The following MYO9A variants were observed in gnomAD, a reference collection of about 807,000 sequenced individuals.
MYO9A encodes the protein myosin IXA.
A neutral mutation model predicts 293.3 loss-of-function variants in MYO9A; 103 were observed. That is an observed-to-expected ratio of 0.35 (90% confidence interval 0.30 to 0.41). MYO9A has a LOEUF of 0.41. Ranked by LOEUF, MYO9A falls within the 10% of genes least tolerant of loss-of-function variation. The probability of loss-of-function intolerance (pLI) is 1.00; values close to 1 mark genes in which losing one functional copy is unlikely to be tolerated. For missense variants in MYO9A, 2,685 were observed against 3,033.0 expected (o/e 0.89, Z 2.69); for synonymous variants, 1,001 against 1,035.7 (o/e 0.97, Z 0.64).
At chr15:71,876,487 G>A (rs1014904654) in intron 31 of MYO9A, among the ~76,000 whole-genome samples, 1 of 144,808 alleles carries the variant, frequency 6.9e-6, no homozygotes, top group East Asian at 2.0e-4. Context: ...CCAGGCTGGA[G>A]GGCAGTGGTG....
intron 32 of MYO9A, among the ~76,000 whole-genome samples, chr15:71,868,830 T>G (rs80256263): frequency 6.6e-6 from 1 of 151,906 alleles, no homozygotes; most frequent in Non-Finnish European, 1.5e-5. Flanking sequence ...ATATATATTT[T>G]AAAAAAAAGT....
Position 71,960,158 on chromosome 15 carries a change from G to A in MYO9A, c.1987-62C>T, listed in dbSNP as rs145615213. On this transcript the variant is annotated intron_variant, in intron 13 of 41. Transcript: ENST00000356056. ...AAAAAATTATGAAAAACAAGATGAC[G>A]GGTGATAACATACTTTGGATGCTTG... The A allele has an allele frequency of 1.1e-3, 1,583 of 1,408,688 alleles. 2 individuals carry two copies. The highest frequency in any genetic ancestry group is 1.3e-3 in the Non-Finnish European group (1,310 of 1,004,882). The allele number at this position is 1,408,688 out of a possible 1,614,324, so 87.3% of individuals were successfully genotyped here.
At chr15:71,958,868 T>C (rs1187763569) in intron 14 of MYO9A, 1 of 152,136 alleles carries the variant, frequency 6.6e-6, no homozygotes, top group African/African-American at 2.4e-5. Flanking sequence ...CTTTCACAAA[T>C]AATAGATTTT....
Position 72,027,764 on chromosome 15 carries a change from T to A in MYO9A, c.965A>T (p.Lys322Met). The part of the protein sequence containing the change: ...GAYVEKYLLE[K>M]SRLVYQEHNE... ...ATGCTCCTGATAAACGAGTCTGGACTTCTCCAGTAGATATTTTTCAACATA... is the reference window on the plus strand; with the variant it reads ...ATGCTCCTGATAAACGAGTCTGGACATCTCCAGTAGATATTTTTCAACATA... Residue 322 changes from lysine to methionine, a missense_variant, in exon 4 of 42, where the codon AAG (lysine) becomes ATG (methionine). By Grantham distance (95) the Lys-to-Met change is moderately conservative. Transcript: ENST00000356056. The A allele has an allele frequency of 6.2e-7, 1 of 1,609,230 alleles. No homozygotes were observed. The highest frequency in any genetic ancestry group is 1.1e-5 in the South Asian group (1 of 89,922).
chr15:71,981,551 CA>C (rs1214543100), intron 11 of MYO9A, among the ~76,000 whole-genome samples: 1 of 152,070 alleles, frequency 6.6e-6, no homozygotes, highest in Non-Finnish European at 1.5e-5. Flanking sequence ...TAAAGTTATT[CA>C]GTGTGTCTAT....
intron 4 of MYO9A, among the ~76,000 whole-genome samples, chr15:72,024,067 T>C (rs926825469): frequency 3.3e-5 from 5 of 152,172 alleles, no homozygotes; most frequent in African/African-American, 1.2e-4. Context: ...TCAAGAAGTA[T>C]ATATCCAGGA....
chr15:71,841,127 T>G (rs762692709), intron 39 of MYO9A, among the ~76,000 whole-genome samples: 1 of 152,190 alleles, frequency 6.6e-6, no homozygotes, highest in Admixed American at 6.5e-5. Flanking sequence ...CTTATCATCT[T>G]TAAGTTCCTT....
intron 18 of MYO9A, among the ~76,000 whole-genome samples, chr15:71,931,672 G>A (rs902606710): frequency 6.6e-6 from 1 of 152,088 alleles, no homozygotes. Context: ...ATCTTTGAAA[G>A]TGTTTTCTCT....
intron 39 of MYO9A, among the ~76,000 whole-genome samples, chr15:71,835,551 T>C (rs187590987): frequency 5.3e-5 from 8 of 152,268 alleles, no homozygotes; most frequent in Admixed American, 1.3e-4. Context: ...ATTAAATACC[T>C]AGTAGTAATT....
At chr15:71,831,216 A>C (rs901140644) in intron 39 of MYO9A, among the ~76,000 whole-genome samples, 10 of 152,198 alleles carry the variant, frequency 6.6e-5, no homozygotes, top group Non-Finnish European at 1.2e-4. Context: ...GCTACAGCAG[A>C]GGACGGCAAA....
rs149312322 is a variant in MYO9A at position 71,830,218 on chromosome 15, A to C, written c.6931T>G (p.Leu2311Val). 1.1e-4 allele frequency: 179 copies of C among 1,613,978 alleles called. No individual in the cohort carries two copies. Among genetic ancestry groups the C allele is most frequent in the Non-Finnish European group, 1.4e-4 (168 of 1,179,982 alleles). Residue 2311 changes from leucine (L) to valine (V), a missense_variant, in exon 40 of 42, where the codon TTG becomes GTG. Around this residue, in one of 10 missense-constraint regions of MYO9A, gnomAD observed 350 missense variants for 328.9 expected, o/e 1.06. Coordinates refer to ENST00000356056, the MANE Select transcript of MYO9A (RefSeq NM_006901.4). ...PSVSDVSEETLTSEAAMETDI... is the reference protein window; with the variant it reads ...PSVSDVSEETVTSEAAMETDI... ...GTCTCCATGGCTGCCTCACTAGTCA[A>C]GGTCTCCTCTGAGACATCAGACACA...
chr15:72,091,979 G>A lies in MYO9A; in HGVS notation c.-72+25701C>T, dbSNP rs555600781. Among the ~76,000 whole-genome samples the A allele has an allele frequency of 1.1e-4, 16 of 152,270 alleles. No individual in the cohort carries two copies. In the South Asian group the frequency reaches 3.1e-3, roughly 30 times the overall value. On this transcript the variant is annotated intron_variant, in intron 1 of 41. Coordinates refer to ENST00000356056, the MANE Select transcript of MYO9A (RefSeq NM_006901.4). ...GATCCACCCACCTTGGCCTCCCAAAGTGCTGGGATTACAGGTGTTAGCCAT... is the reference window on the plus strand; with the variant it reads ...GATCCACCCACCTTGGCCTCCCAAAATGCTGGGATTACAGGTGTTAGCCAT...
chr15:71,957,748 A>G (rs998067050), intron 14 of MYO9A, among the ~76,000 whole-genome samples: 5 of 152,190 alleles, frequency 3.3e-5, no homozygotes, highest in African/African-American at 1.2e-4. Context: ...ATCTGCAGAC[A>G]CTATATAAAG....
At chr15:71,983,214 C>T (rs148827045) in intron 11 of MYO9A, among the ~76,000 whole-genome samples, 1 of 151,732 alleles carries the variant, frequency 6.6e-6, no homozygotes, top group Non-Finnish European at 1.5e-5. Context: ...TTCTTGCTTT[C>T]TTCTGGATTG....
At chr15:71,847,657 G>GA (rs1397361841) in intron 39 of MYO9A, among the ~76,000 whole-genome samples, 2 of 152,210 alleles carry the variant, frequency 1.3e-5, no homozygotes, top group Non-Finnish European at 2.9e-5. Context: ...TTCCTGCCTG[G>GA]ATAGCCACCA....
chr15:71,846,926 A>T (rs1424205966), intron 39 of MYO9A, among the ~76,000 whole-genome samples: 1 of 152,240 alleles, frequency 6.6e-6, no homozygotes, highest in East Asian at 1.9e-4. Context: ...CTAAGTGGAT[A>T]AGAACCATAT....
intron 18 of MYO9A, among the ~76,000 whole-genome samples, chr15:71,926,525 AGAGT>A (rs1420321564): frequency 6.6e-6 from 1 of 152,166 alleles, no homozygotes; most frequent in African/African-American, 2.4e-5. Flanking sequence ...TTCAGGCAAT[AGAGT>A]GAGATCCTGT....
At chr15:71,992,989 AAGAG>A (rs1484212824) in intron 10 of MYO9A, among the ~76,000 whole-genome samples, 3 of 152,088 alleles carry the variant, frequency 2.0e-5, no homozygotes, top group Non-Finnish European at 2.9e-5. Context: ...GTAAATAACT[AAGAG>A]AGAAAATAAT....
rs188452698 is a variant in MYO9A, at chr15:71,856,684, A to C, written c.6154-2115T>G. On this transcript the variant is annotated intron_variant, in intron 34 of 41. Coordinates refer to ENST00000356056, the MANE Select transcript of MYO9A (RefSeq NM_006901.4). ...TCATGCATGTATCTACATGCTCTGCATTCCAGCTCTTAATCCTTAGAGTAT... is the reference window on the plus strand; with the variant it reads ...TCATGCATGTATCTACATGCTCTGCCTTCCAGCTCTTAATCCTTAGAGTAT... 2.6e-5 allele frequency among the ~76,000 whole-genome samples: 4 copies of C among 152,344 alleles called. No homozygotes were observed. The East Asian group carries it at 7.7e-4, about 29-fold the overall frequency.
Sources: gnomAD v4.1 joint callset for allele counts (sites outside exome capture counted in the v4.1 genomes callset) on GRCh38, gnomAD v4.1.1 for gene constraint, gnomAD v4.1.1 regional missense constraint, MANE v1.5 for transcripts, NCBI Gene and HGNC (gene_info 2026-07-23, HGNC 2026-07-21) for gene names.